Variants in ADGRG2 observed in about 807,000 individuals in gnomAD.
ADGRG2 encodes adhesion G protein-coupled receptor G2, also known as G protein-coupled receptor 64.
A neutral mutation model predicts 74.1 loss-of-function variants in ADGRG2; 26 were observed. The ratio of observed to expected loss-of-function variants is 0.35; its 90% CI spans 0.26 to 0.49. The LOEUF (loss-of-function observed/expected upper bound fraction) is 0.49. Ranked by LOEUF, ADGRG2 falls within the 20% of genes least tolerant of loss-of-function variation. The pLI, the probability that ADGRG2 is intolerant of heterozygous loss-of-function variation, is 0.99. For synonymous variants in ADGRG2, 296 were observed against 295.2 expected, an observed-to-expected ratio of 1.00 and a Z score of -0.03; for missense variants, 619 against 763.1, an observed-to-expected ratio of 0.81 and a Z score of 2.22.
chrX:19,055,730 A>ATTT (rs780575905), intron 3 of ADGRG2, among the ~76,000 whole-genome samples: 1 of 94,838 alleles, frequency 1.1e-5, no homozygotes, highest in African/African-American at 3.9e-5. Flanking sequence ...CAGGTGGGAG[A>ATTT]TTTTTTTTTT....
rs1787338743 is a variant in ADGRG2 at position 19,003,824 on chromosome X, T to A, written c.1962-710A>T. ...TCAGATCTTCAAAATTTAACCAAGA[T>A]TCCCATATTATTGTATGTTATTAGG... On this transcript the variant is annotated intron_variant, in intron 23 of 28. Transcript: ENST00000379869. Among the ~76,000 whole-genome samples, 3 of 112,270 alleles carry A rather than the reference T, an allele frequency of 2.7e-5. No homozygotes were observed. In the South Asian group the frequency reaches 1.1e-3, roughly 41 times the overall value.
intron 3 of ADGRG2, among the ~76,000 whole-genome samples, chrX:19,053,410 A>G (rs1447431984): frequency 1.8e-5 from 2 of 111,131 alleles, no homozygotes; most frequent in East Asian, 5.7e-4. Flanking sequence ...TCGGCCTGCC[A>G]GCAGTTAATC....
intron 3 of ADGRG2, among the ~76,000 whole-genome samples, chrX:19,048,827 C>T (rs1032483978): frequency 8.9e-6 from 1 of 112,176 alleles, no homozygotes; most frequent in Non-Finnish European, 1.9e-5. Flanking sequence ...GTGTAACTTC[C>T]GAAGGCTGGT....
intron 11 of ADGRG2, among the ~76,000 whole-genome samples, 163 bp downstream of exon 11, chrX:19,027,056 G>C (rs1480975421): frequency 8.9e-6 from 1 of 112,150 alleles, no homozygotes; most frequent in African/African-American, 3.2e-5. Flanking sequence ...GATAATAGTT[G>C]ATGTGATTAT....
At chrX:19,043,696 C>A (rs746076585) in intron 3 of ADGRG2, among the ~76,000 whole-genome samples, 1 of 108,773 alleles carries the variant, frequency 9.2e-6, no homozygotes, top group East Asian at 2.9e-4. Context: ...TGGAGCCAGA[C>A]GAACTGGAAA....
At chrX:19,085,245 T>C (rs2061919682) in intron 1 of ADGRG2, among the ~76,000 whole-genome samples, 1 of 112,150 alleles carries the variant, frequency 8.9e-6, no homozygotes, top group Non-Finnish European at 1.9e-5. Flanking sequence ...AGACTGTCAA[T>C]GCATATAAGG....
At chrX:19,003,169 C>CT in intron 23 of ADGRG2, 55 bp from the exon 24 acceptor site, 58 of 1,006,672 alleles carry the variant, frequency 5.8e-5, no homozygotes, top group Middle Eastern at 3.6e-4. Flanking sequence ...AACCCTCCAA[C>CT]TTTTTTTTGG....
intron 1 of ADGRG2, among the ~76,000 whole-genome samples, chrX:19,105,578 G>A (rs776746027): frequency 6.3e-5 from 7 of 110,380 alleles, no homozygotes; most frequent in Non-Finnish European, 9.5e-5. Flanking sequence ...GGGGCCTGTA[G>A]GGGGATGGGC....
intron 2 of ADGRG2, among the ~76,000 whole-genome samples, chrX:19,075,782 A>G (rs1394923216): frequency 9.0e-6 from 1 of 111,533 alleles, no homozygotes; most frequent in Non-Finnish European, 1.9e-5. Context: ...TTCTGCTCTC[A>G]GGGAAAATAT....
chrX:19,057,765 A>G (rs893565916), intron 3 of ADGRG2, among the ~76,000 whole-genome samples: 1 of 111,475 alleles, frequency 9.0e-6, no homozygotes, highest in African/African-American at 3.3e-5. Flanking sequence ...GCTTGAGCCC[A>G]GGTGTTAGAG....
chrX:19,035,918 C>T, intron 7 of ADGRG2, 24 bp downstream of exon 7: 1 of 860,285 alleles, frequency 1.2e-6, no homozygotes, highest in South Asian at 2.2e-5. Context: ...GAAGCTATTA[C>T]ATTTAGAAAT....
intron 1 of ADGRG2, among the ~76,000 whole-genome samples, chrX:19,091,918 A>T (rs1477773653): frequency 8.9e-6 from 1 of 112,677 alleles, no homozygotes; most frequent in Admixed American, 9.4e-5. Flanking sequence ...GTGATGAATG[A>T]TGGACATACT....
rs28375015 is a variant in ADGRG2 at position 19,006,350 on chromosome X, A to C, written c.1690-85T>G. 3.0e-3 allele frequency: 1,987 copies of C among 668,542 alleles called. 37 individuals are homozygous for C. In the African/African-American group the frequency reaches 0.039, roughly 13 times the overall value. The allele number at this position is 668,542 out of a possible 1,213,427, so 55.1% of individuals were successfully genotyped here. A position where few individuals can be genotyped will look rare whatever the true frequency, so the allele number is the denominator to read the frequency against. On this transcript the variant is annotated intron_variant, in intron 20 of 28. Transcript: ENST00000379869. ...AAACTGAAAGGTATTTGAAAAGAAA[A>C]AAAACTGTGGTTTTTTTTAAATTTC...
intron 11 of ADGRG2, 111 bp from the exon 12 acceptor site, chrX:19,024,059 T>C (rs2060649546): frequency 1.5e-5 from 8 of 525,250 alleles, no homozygotes; most frequent in Admixed American, 2.8e-5. Flanking sequence ...TTGCTTATGG[T>C]GTTCACTTTG....
At position 19,101,466 on chromosome X, in the gene ADGRG2, C is replaced by T. The variant is rs757395260; in HGVS notation, c.-46-18720G>A. 6.4e-3 allele frequency among the ~76,000 whole-genome samples: 709 copies of T among 110,537 alleles called. 3 individuals carry two copies. Among genetic ancestry groups the T allele is most frequent in the Non-Finnish European group, 0.01 (538 of 52,903 alleles). ...CTGTAATCCCAGCACTTTGGGAGGCCGAGGTGGGCGAATCACTTGAGTCTA... is the reference window on the plus strand; with the variant it reads ...CTGTAATCCCAGCACTTTGGGAGGCTGAGGTGGGCGAATCACTTGAGTCTA... On this transcript the variant is annotated intron_variant, in intron 1 of 28. Coordinates refer to ENST00000379869, the MANE Select transcript of ADGRG2 (RefSeq NM_001079858.3).
At chrX:19,073,528 C>T (rs759741346) in intron 2 of ADGRG2, among the ~76,000 whole-genome samples, 1 of 111,385 alleles carries the variant, frequency 9.0e-6, no homozygotes, top group Non-Finnish European at 1.9e-5. Context: ...GACTATATGC[C>T]GTGGTGCTTC....
intron 1 of ADGRG2, among the ~76,000 whole-genome samples, chrX:19,115,473 A>G (rs1422803754): frequency 2.7e-5 from 3 of 112,077 alleles, no homozygotes; most frequent in African/African-American, 9.7e-5. Flanking sequence ...AGTGGGGAGT[A>G]CGGTTTTAGA....
intron 1 of ADGRG2, among the ~76,000 whole-genome samples, chrX:19,100,130 A>C (rs2062163630): frequency 8.9e-6 from 1 of 112,318 alleles, no homozygotes; most frequent in African/African-American, 3.2e-5. Context: ...CTGTAAAACA[A>C]AGCTACTGAG....
intron 3 of ADGRG2, among the ~76,000 whole-genome samples, chrX:19,054,269 G>A (rs2061374842): frequency 8.9e-6 from 1 of 111,938 alleles, no homozygotes; most frequent in Admixed American, 9.5e-5. Flanking sequence ...GAAATCTGAT[G>A]ACCATAACTT....
Sources: allele counts gnomAD v4.1 joint callset (sites outside exome capture counted in the v4.1 genomes callset), GRCh38; gene constraint gnomAD v4.1.1; transcripts MANE v1.5; gene names NCBI Gene and HGNC (gene_info 2026-07-23, HGNC 2026-07-21).